Variants in ALG9 observed in about 807,000 individuals in gnomAD.
The protein encoded by ALG9 is ALG9 alpha-1,2-mannosyltransferase.
In ALG9, 55 loss-of-function variants were observed where a neutral mutation model predicts 81.8. The ratio of observed to expected loss-of-function variants is 0.67; its 90% CI spans 0.54 to 0.84. The LOEUF (loss-of-function observed/expected upper bound fraction) is 0.84, where lower values mean the gene tolerates loss of function less well. ALG9 is among the 40% of genes least tolerant of loss of function. The probability of loss-of-function intolerance (pLI) is 0.00; values close to 1 mark genes in which losing one functional copy is unlikely to be tolerated. For missense variants in ALG9, 629 were observed against 745.0 expected, an observed-to-expected ratio of 0.84 and a Z score of 1.81; for synonymous variants, 278 against 274.3, an observed-to-expected ratio of 1.01 and a Z score of -0.13.
chr11:111,812,156 T>C (rs1025251726), intron 13 of ALG9, among the ~76,000 whole-genome samples: 6 of 152,358 alleles, frequency 3.9e-5, no homozygotes, highest in Middle Eastern at 3.4e-3. Context: ...AACAAATTGA[T>C]TGATAAATTA....
chr11:111,834,052 C>A (rs1555115299), intron 13 of ALG9, among the ~76,000 whole-genome samples: 1 of 152,096 alleles, frequency 6.6e-6, no homozygotes, highest in Non-Finnish European at 1.5e-5. Flanking sequence ...ATGGTGAACA[C>A]AAAAGAAACA....
chr11:111,844,710 C>A lies in ALG9; in HGVS notation c.909G>T (p.Trp303Cys), dbSNP rs1555127374. The A allele has an allele frequency of 1.1e-5, 17 of 1,613,784 alleles. No individual in the cohort carries two copies. Among genetic ancestry groups the A allele is most frequent in the Non-Finnish European group, 1.4e-5 (17 of 1,179,822 alleles). ...HGPDLYGTEP[W>C]YFYLINGFLN... ...GAAATCCATTAATTAAATAGAAATA[C>A]CAGGGTTCTGTACCTGAGGGAGACA... The change falls in exon 9 of 15, where the codon TGG becomes TGT. Residue 303 changes from tryptophan to cysteine, a missense_variant. Trp to Cys is a radical substitution (Grantham distance 215). Around this residue, in one of 3 missense-constraint regions of ALG9, gnomAD observed 344 missense variants for 390.5 expected, o/e 0.88. Coordinates refer to ENST00000616540, the MANE Select transcript of ALG9 (RefSeq NM_024740.2).
intron 14 of ALG9, among the ~76,000 whole-genome samples, chr11:111,808,401 G>A (rs947011455): frequency 6.6e-6 from 1 of 152,188 alleles, no homozygotes; most frequent in Non-Finnish European, 1.5e-5. Context: ...GACCAAGCTA[G>A]TGACCTGGTA....
At chr11:111,805,306 G>C (rs1449314731) in intron 14 of ALG9, 1 of 456,166 alleles carries the variant, frequency 2.2e-6, no homozygotes, top group Non-Finnish European at 4.4e-6. Context: ...TGGTCTTCCA[G>C]CCTTCAAAAC....
the ALG9 span, among the ~76,000 whole-genome samples, chr11:111,773,257 T>C: frequency 1.3e-5 from 2 of 151,980 alleles, no homozygotes; most frequent in Non-Finnish European, 2.9e-5. Context: ...TTTTTTTTTG[T>C]TTCCTGAGAC....
chr11:111,799,348 T>C (rs1342288537), intron 14 of ALG9, among the ~76,000 whole-genome samples: 1 of 152,138 alleles, frequency 6.6e-6, no homozygotes, highest in Non-Finnish European at 1.5e-5. Flanking sequence ...GGTTTCACTA[T>C]GGCCAGGATG....
At chr11:111,836,959 A>G (rs911959734) in intron 12 of ALG9, among the ~76,000 whole-genome samples, 2 of 152,190 alleles carry the variant, frequency 1.3e-5, no homozygotes, top group East Asian at 3.8e-4. Flanking sequence ...AGCAAACTAC[A>G]AAGAACTTTA....
chr11:111,851,205 G>A (rs1242630229), intron 8 of ALG9, among the ~76,000 whole-genome samples: 3 of 152,116 alleles, frequency 2.0e-5, no homozygotes, highest in South Asian at 2.1e-4. Context: ...ATCCCTGGGC[G>A]TGGTGGCTCA....
intron 14 of ALG9, chr11:111,805,256 T>C (rs1458962662): frequency 2.2e-6 from 1 of 456,180 alleles, no homozygotes; most frequent in South Asian, 1.5e-5. Flanking sequence ...GCCAGAAAGA[T>C]GGCCTTTACC....
At chr11:111,830,994 G>A (rs1555113028) in intron 13 of ALG9, among the ~76,000 whole-genome samples, 1 of 152,036 alleles carries the variant, frequency 6.6e-6, no homozygotes, top group African/African-American at 2.4e-5. Flanking sequence ...AAGACAGTGA[G>A]GCCCTCTCTC....
intron 13 of ALG9, among the ~76,000 whole-genome samples, chr11:111,821,592 G>A (rs1305944241): frequency 4.6e-5 from 7 of 152,030 alleles, no homozygotes; most frequent in Non-Finnish European, 8.8e-5. Flanking sequence ...ATGAGATGAC[G>A]AGGCATTTGG....
At position 111,828,661 on chromosome 11, in the gene ALG9, T is replaced by C. The variant is rs1436265173; in HGVS notation, c.1602+7504A>G. On this transcript the variant is annotated intron_variant, in intron 13 of 14. Transcript: ENST00000616540. Reference sequence around the variant, plus strand: ...TCCAATTTTGAGTTGAAAGTCCTTATGTTCAAGGAAGAGAAACTCGAGGTC... The same window carrying C: ...TCCAATTTTGAGTTGAAAGTCCTTACGTTCAAGGAAGAGAAACTCGAGGTC... Among the ~76,000 whole-genome samples, 5 of 152,188 alleles carry C rather than the reference T, an allele frequency of 3.3e-5. No homozygotes were observed. The East Asian group carries it at 9.6e-4, about 29-fold the overall frequency.
chr11:111,768,842 C>CGCGTGTGTGCGCGT, the ALG9 span: 1 of 143,096 alleles, frequency 7.0e-6, no homozygotes, highest in African/African-American at 2.7e-5. Flanking sequence ...TGTGTGTGTG[C>CGCGTGTGTGCGCGT]GTGTGTGTGT....
At chr11:111,822,245 C>T (rs1255944218) in intron 13 of ALG9, among the ~76,000 whole-genome samples, 2 of 136,232 alleles carry the variant, frequency 1.5e-5, no homozygotes, top group Admixed American at 1.5e-4. Context: ...CCTGTCTCTA[C>T]AAAAAATACA....
rs1164982076 is a variant in ALG9, at chr11:111,853,549, T to A, written c.790-64A>T. ...TCTCAAAATGCTAATAGGATAAACC[T>A]GAGAATGAAAAACAGAATAAACTCC... is the stretch of plus-strand genomic sequence containing the variant. On this transcript the variant is annotated intron_variant, in intron 7 of 14. Coordinates refer to ENST00000616540, the MANE Select transcript of ALG9 (RefSeq NM_024740.2). 3.2e-6 allele frequency: 5 copies of A among 1,575,198 alleles called. No individual in the cohort carries two copies. In the African/African-American group the frequency reaches 6.8e-5, roughly 21 times the overall value.
intron 13 of ALG9, chr11:111,817,636 T>TAGAGTC (rs1345636479): frequency 2.0e-5 from 3 of 152,164 alleles, no homozygotes; most frequent in Non-Finnish European, 2.9e-5. Context: ...TTGTATTTTG[T>TAGAGTC]AGAGTCAGGG....
intron 8 of ALG9, 23 bp downstream of exon 8, chr11:111,853,357 G>A (rs374034033): frequency 1.4e-5 from 22 of 1,577,496 alleles, no homozygotes; most frequent in Non-Finnish European, 1.9e-5. Context: ...CCTAACACTT[G>A]CCCAAATTTC....
intron 8 of ALG9, among the ~76,000 whole-genome samples, chr11:111,849,256 G>A (rs1427884704): frequency 3.9e-5 from 6 of 151,964 alleles, no homozygotes; most frequent in Non-Finnish European, 5.9e-5. Context: ...TCACCATGTC[G>A]GCCAGGCTGG....
At position 111,841,827 on chromosome 11, in the gene ALG9, A is replaced by G. The variant is rs141115666; in HGVS notation, c.1019-1018T>C. 2.6e-3 allele frequency among the ~76,000 whole-genome samples: 389 copies of G among 152,346 alleles called. 2 individuals are homozygous for G. The highest frequency in any genetic ancestry group is 4.7e-3 in the Non-Finnish European group (317 of 68,044). ...ATTTTGTTTCAACTTTTGCTCTAAG[A>G]CATTATGGGATTTTAGATAATAATT... On this transcript the variant is annotated intron_variant, in intron 9 of 14. Coordinates refer to ENST00000616540, the MANE Select transcript of ALG9 (RefSeq NM_024740.2).
Sources: gnomAD v4.1 joint callset for allele counts (sites outside exome capture counted in the v4.1 genomes callset) on GRCh38, gnomAD v4.1.1 for gene constraint, gnomAD v4.1.1 regional missense constraint, MANE v1.5 for transcripts, NCBI Gene and HGNC (gene_info 2026-07-23, HGNC 2026-07-21) for gene names.